The following FSTL5 variants were observed in gnomAD, a reference collection of about 807,000 sequenced individuals.
FSTL5 encodes the protein follistatin-related protein 5.
A neutral mutation model predicts 89.1 loss-of-function variants in FSTL5; 62 were observed. The observed-to-expected ratio is 0.70, with a 90% CI of 0.57 to 0.86. FSTL5 has a LOEUF of 0.86. Ranked by LOEUF, FSTL5 falls within the 40% of genes least tolerant of loss-of-function variation. FSTL5 has a pLI of 0.00. For synonymous variants in FSTL5, 383 were observed against 346.2 expected (o/e 1.11, Z -1.18); for missense variants, 1,057 against 1,001.6 (o/e 1.06, Z -0.75).
intron 2 of FSTL5, among the ~76,000 whole-genome samples, chr4:162,078,448 G>C (rs1055109769): frequency 1.3e-5 from 2 of 151,794 alleles, no homozygotes; most frequent in Non-Finnish European, 2.9e-5. Flanking sequence ...ATAATTGCTT[G>C]TAAGTTCATG....
intron 4 of FSTL5, among the ~76,000 whole-genome samples, chr4:161,778,739 T>C (rs2126806769): frequency 6.6e-6 from 1 of 152,336 alleles, no homozygotes; most frequent in Non-Finnish European, 1.5e-5. Flanking sequence ...AAGAAACTCA[T>C]TGACAAATGA....
At chr4:161,814,948 A>C (rs1730278494) in intron 4 of FSTL5, among the ~76,000 whole-genome samples, 1 of 152,074 alleles carries the variant, frequency 6.6e-6, no homozygotes, top group African/African-American at 2.4e-5. Context: ...GATGCCAACT[A>C]TACATCTATA....
chr4:161,542,027 T>TG, intron 9 of FSTL5, among the ~76,000 whole-genome samples: 1 of 152,078 alleles, frequency 6.6e-6, no homozygotes, highest in African/African-American at 2.4e-5. Context: ...TTTTATATAT[T>TG]AGAATGTAAC....
intron 4 of FSTL5, among the ~76,000 whole-genome samples, chr4:161,795,012 C>T (rs137945245): frequency 2.0e-3 from 306 of 151,832 alleles, no homozygotes; most frequent in African/African-American, 7.1e-3. Flanking sequence ...CATATATATA[C>T]ACAATATATT....
intron 6 of FSTL5, among the ~76,000 whole-genome samples, chr4:161,676,495 G>A (rs994325913): frequency 6.6e-6 from 1 of 151,966 alleles, no homozygotes; most frequent in Non-Finnish European, 1.5e-5. Flanking sequence ...ACACACCGGG[G>A]CCTGTCGGGA....
intron 4 of FSTL5, among the ~76,000 whole-genome samples, chr4:161,811,256 G>C (rs953597300): frequency 1.3e-5 from 2 of 152,032 alleles, no homozygotes; most frequent in African/African-American, 4.8e-5. Context: ...AGGAGGAATG[G>C]AGAAGTACAA....
chr4:161,524,561 A>T (rs1560937120), intron 10 of FSTL5, among the ~76,000 whole-genome samples: 1 of 152,114 alleles, frequency 6.6e-6, no homozygotes, highest in Non-Finnish European at 1.5e-5. Flanking sequence ...ATACACTTCA[A>T]TGTCTTTCTT....
chr4:162,137,966 C>T (rs1732582192), intron 1 of FSTL5, among the ~76,000 whole-genome samples: 1 of 151,960 alleles, frequency 6.6e-6, no homozygotes, highest in South Asian at 2.1e-4. Flanking sequence ...TCCTGGCAAG[C>T]TGGGGGACTC....
At chr4:162,131,449 C>A (rs911665031) in intron 1 of FSTL5, among the ~76,000 whole-genome samples, 9 of 152,182 alleles carry the variant, frequency 5.9e-5, no homozygotes, top group Non-Finnish European at 8.8e-5. Flanking sequence ...CACTTAGGAA[C>A]AAGTTCATTG....
At chr4:161,692,294 T>C (rs1249774118) in intron 6 of FSTL5, among the ~76,000 whole-genome samples, 1 of 151,992 alleles carries the variant, frequency 6.6e-6, no homozygotes, top group Non-Finnish European at 1.5e-5. Flanking sequence ...TAAAAGTGTG[T>C]TGAATTTTAT....
intron 3 of FSTL5, among the ~76,000 whole-genome samples, chr4:161,982,719 T>A (rs1735858551): frequency 6.6e-6 from 1 of 152,210 alleles, no homozygotes; most frequent in Non-Finnish European, 1.5e-5. Flanking sequence ...AATTATGTCC[T>A]TTTGACTATG....
intron 10 of FSTL5, among the ~76,000 whole-genome samples, chr4:161,532,637 C>G (rs915014445): frequency 1.7e-4 from 26 of 151,398 alleles, no homozygotes; most frequent in Non-Finnish European, 3.4e-4. Flanking sequence ...CACACAATAA[C>G]AGTGGGGGGA....
intron 4 of FSTL5, among the ~76,000 whole-genome samples, chr4:161,820,231 A>G (rs1250937098): frequency 1.3e-5 from 2 of 152,202 alleles, no homozygotes; most frequent in Non-Finnish European, 2.9e-5. Flanking sequence ...GATAAAGATT[A>G]CAGGAAGTCA....
intron 2 of FSTL5, among the ~76,000 whole-genome samples, chr4:162,097,230 T>C (rs936084841): frequency 2.0e-5 from 3 of 151,768 alleles, no homozygotes; most frequent in Non-Finnish European, 4.4e-5. Flanking sequence ...TTATCCTTAG[T>C]GTCTGATAAA....
chr4:161,898,271 T>C (rs1185299330), intron 4 of FSTL5, among the ~76,000 whole-genome samples: 1 of 151,622 alleles, frequency 6.6e-6, no homozygotes, highest in Non-Finnish European at 1.5e-5. Flanking sequence ...AGTAAGAATA[T>C]ATCACTGTTT....
intron 7 of FSTL5, among the ~76,000 whole-genome samples, chr4:161,606,630 T>C (rs934151071): frequency 2.0e-5 from 3 of 152,186 alleles, no homozygotes; most frequent in African/African-American, 4.8e-5. Flanking sequence ...CTTTTAAAAG[T>C]TAATTTTGTA....
intron 15 of FSTL5, among the ~76,000 whole-genome samples, chr4:161,420,615 C>A (rs995870524): frequency 3.3e-5 from 5 of 151,536 alleles, no homozygotes; most frequent in Admixed American, 3.3e-4. Context: ...TAATAAATCT[C>A]TTCATATAGT....
chr4:161,751,244 G>T (rs59520308), intron 6 of FSTL5, among the ~76,000 whole-genome samples: 12,192 of 152,112 alleles, frequency 0.08, 932 homozygotes, highest in African/African-American at 0.2. Context: ...AAATACAGTT[G>T]AAATTGGTAT....
chr4:161,803,329 T>A (rs1320101866), intron 4 of FSTL5, among the ~76,000 whole-genome samples: 1 of 151,960 alleles, frequency 6.6e-6, no homozygotes, highest in East Asian at 1.9e-4. Flanking sequence ...GTCTTTAATA[T>A]CTGTAAATCT....
Sources: gnomAD v4.1 joint callset for allele counts (sites outside exome capture counted in the v4.1 genomes callset) on GRCh38, gnomAD v4.1.1 for gene constraint, MANE v1.5 for transcripts, NCBI Gene and HGNC (gene_info 2026-07-23, HGNC 2026-07-21) for gene names.